The following SYNE2 variants were observed in gnomAD, a reference collection of about 807,000 sequenced individuals.
The protein encoded by SYNE2 is spectrin repeat containing nuclear envelope protein 2, also known as nesprin-2.
Under a neutral mutation model 856.3 loss-of-function variants are expected in SYNE2, and 431 were observed. The observed-to-expected ratio is 0.50, with a 90% CI of 0.47 to 0.55. The LOEUF (loss-of-function observed/expected upper bound fraction) is 0.55. Ranked by LOEUF, SYNE2 falls within the 20% of genes least tolerant of loss-of-function variation. The pLI is 0.00. For missense variants in SYNE2, 8,129 were observed against 8,023.2 expected (o/e 1.01, Z -0.50); for synonymous variants, 2,923 against 2,872.3 (o/e 1.02, Z -0.56).
At position 63,988,221 on chromosome 14, in the gene SYNE2, G is replaced by C. The variant is rs182149218; in HGVS notation, c.2313+1604G>C. Among the ~76,000 whole-genome samples the C allele has an allele frequency of 1.1e-4, 16 of 152,190 alleles. 1 individual carries two copies. Among genetic ancestry groups the C allele is most frequent in the Admixed American group, 9.2e-4 (14 of 15,274 alleles). On this transcript the variant is annotated intron_variant, in intron 19 of 115. Coordinates refer to ENST00000555002, the MANE Select transcript of SYNE2 (RefSeq NM_182914.3). ...GCCTCCCAAGTAGCTGGGATTACAG[G>C]CATGCGCCATCACGCCCAGCTAATT...
rs2096936000 is a variant in SYNE2, at chr14:64,021,549, A to T, written c.5352+34A>T. The T allele has an allele frequency of 5.0e-6, 8 of 1,609,112 alleles. No homozygotes were observed. The East Asian group carries it at 1.8e-4, about 36-fold the overall frequency. ...GAGCTGCTTGTCTTCTGTGGTTCAG[A>T]TTTATTTTCACACTATTTGCAGTTG... On this transcript the variant is annotated intron_variant, in intron 36 of 115. Transcript: ENST00000555002.
At position 64,126,628 on chromosome 14, in the gene SYNE2, T is replaced by A; in HGVS notation, c.13738T>A (p.Leu4580Ile). 3 of 1,614,196 alleles carry A rather than the reference T, an allele frequency of 1.9e-6. No homozygotes were observed. The highest frequency in any genetic ancestry group is 3.3e-4 in the Middle Eastern group (2 of 6,062). The change falls in exon 73 of 116, where the codon TTA becomes ATA. Residue 4580 changes from leucine to isoleucine, a missense_variant. Leu to Ile is a conservative substitution (Grantham distance 5, BLOSUM62 2). This residue lies in a region of SYNE2 where 5,410 missense variants were observed against 5,284.8 expected (regional missense o/e 1.02). Coordinates refer to ENST00000555002, the MANE Select transcript of SYNE2 (RefSeq NM_182914.3). Reference protein sequence around the residue: ...TLALELKKLYLALSDKKGDLL... With the variant: ...TLALELKKLYIALSDKKGDLL... ...GGCTCTTGAGTTGAAGAAACTTTATTTAGCGCTAAGTGACAAGAAGGGTGA... is the reference window on the plus strand; with the variant it reads ...GGCTCTTGAGTTGAAGAAACTTTATATAGCGCTAAGTGACAAGAAGGGTGA...
Position 63,811,243 on chromosome 14 carries a change from A to G in SYNE2, c.-304-41258A>G, listed in dbSNP as rs1888604150. Among the ~76,000 whole-genome samples the G allele has an allele frequency of 2.0e-5, 3 of 151,856 alleles. No individual in the cohort carries two copies. The South Asian group carries it at 6.3e-4, about 32-fold the overall frequency. On this transcript the variant is annotated intron_variant, in intron 1 of 23. Transcript: ENST00000674003. ...ATTGGAAACATTAGTTATCTTACCA[A>G]GGCTTTGACTGTATTATTATTATTT...
chr14:63,969,277 C>G (rs968615836), intron 11 of SYNE2, among the ~76,000 whole-genome samples: 2 of 146,678 alleles, frequency 1.4e-5, no homozygotes, highest in Admixed American at 7.0e-5. Flanking sequence ...TCAAGAGATT[C>G]TTCTGCCTCA....
Position 64,226,160 on chromosome 14 carries a change from ATGAATAATG to A in SYNE2, c.*636_*644del, listed in dbSNP as rs1287302837. 6 of 153,074 alleles carry A rather than the reference ATGAATAATG, an allele frequency of 3.9e-5. No homozygotes were observed. The highest frequency in any genetic ancestry group is 7.2e-5 in the African/African-American group (3 of 41,448). The allele number at this position is 153,074 out of a possible 1,614,324, so 9.5% of individuals were successfully genotyped here. A position where few individuals can be genotyped will look rare whatever the true frequency, so the allele number is the denominator to read the frequency against. ...TATTTTTTAACAATGCCCAATCTGT[ATGAATAATG>A]TAAACTTCGATTTTTTTTTAAAAAA... On this transcript the variant is annotated 3_prime_UTR_variant, in exon 116 of 116. Transcript: ENST00000555002.
Position 64,174,929 on chromosome 14 carries a change from T to C in SYNE2, c.17236-15T>C. 6 of 1,612,374 alleles carry C rather than the reference T, an allele frequency of 3.7e-6. No individual in the cohort carries two copies. The highest frequency in any genetic ancestry group is 4.2e-6 in the Non-Finnish European group (5 of 1,178,506). ...ATCAGAAACCTAAGCAAATTACTTC[T>C]CTTTTTTTTCTTAGAATAAAGAAAT... is the stretch of plus-strand genomic sequence containing the variant. On this transcript the variant is annotated splice_polypyrimidine_tract_variant and intron_variant, in intron 94 of 115. Coordinates refer to ENST00000555002, the MANE Select transcript of SYNE2 (RefSeq NM_182914.3).
chr14:63,995,208 A>G lies in SYNE2; in HGVS notation c.2940+6A>G, dbSNP rs371534076. On this transcript the variant is annotated splice_donor_region_variant and intron_variant, in intron 23 of 115. Coordinates refer to ENST00000555002, the MANE Select transcript of SYNE2 (RefSeq NM_182914.3). ...GTCTCATCAAAGAACATGAGGTACAATAAAGTGTTTCCACTTAAATTTTGT... is the reference window on the plus strand; with the variant it reads ...GTCTCATCAAAGAACATGAGGTACAGTAAAGTGTTTCCACTTAAATTTTGT... The G allele has an allele frequency of 1.1e-5, 18 of 1,603,672 alleles. No homozygotes were observed. In the African/African-American group the frequency reaches 2.0e-4, roughly 18 times the overall value.
intron 49 of SYNE2, among the ~76,000 whole-genome samples, chr14:64,059,957 C>T (rs1306818186): frequency 6.6e-6 from 1 of 152,154 alleles, no homozygotes; most frequent in Non-Finnish European, 1.5e-5. Context: ...ACAGAAAGTA[C>T]TGCCAGGGTA....
intron 1 of SYNE2, among the ~76,000 whole-genome samples, chr14:63,905,236 G>A (rs1020613318): frequency 6.6e-6 from 1 of 152,156 alleles, no homozygotes; most frequent in South Asian, 2.1e-4. Flanking sequence ...TTGAAATTGG[G>A]TAGTGTGATG....
At chr14:64,010,938 C>T (rs1025908493) in intron 32 of SYNE2, among the ~76,000 whole-genome samples, 1 of 152,158 alleles carries the variant, frequency 6.6e-6, no homozygotes, top group Non-Finnish European at 1.5e-5. Context: ...CACGCCTGGC[C>T]TTTTTCTATT....
chr14:63,903,904 A>G (rs750951938), intron 1 of SYNE2, among the ~76,000 whole-genome samples: 2 of 151,746 alleles, frequency 1.3e-5, no homozygotes, highest in Non-Finnish European at 2.9e-5. Flanking sequence ...GGTTTGTAAC[A>G]TGGGTATATT....
At chr14:63,830,322 A>C (rs1889623255) in intron 1 of SYNE2, among the ~76,000 whole-genome samples, 1 of 151,738 alleles carries the variant, frequency 6.6e-6, no homozygotes, top group Non-Finnish European at 1.5e-5. Context: ...TAATGGATAC[A>C]TCATTGTGAA....
chr14:63,874,881 A>T (rs1031848982), intron 1 of SYNE2, among the ~76,000 whole-genome samples: 2 of 152,150 alleles, frequency 1.3e-5, no homozygotes, highest in African/African-American at 2.4e-5. Flanking sequence ...ATGACATAGA[A>T]AATAAAAAAT....
In SYNE2 at chr14:64,170,379, G is replaced by A. The variant is rs747856968; in HGVS notation, c.17152G>A (p.Asp5718Asn). The change falls in exon 94 of 116, where the codon GAC (aspartate) becomes AAC (asparagine). Residue 5718 changes from aspartate (D) to asparagine (N), a missense_variant. Physicochemically the swap from Asp to Asn is conservative, Grantham distance 23. Coordinates refer to ENST00000555002, the MANE Select transcript of SYNE2 (RefSeq NM_182914.3). ...GGAGAACTTGTTTCGCTTCCTCACTGACACCAGCCACCTGCTATCTGCAGT... is the reference window on the plus strand; with the variant it reads ...GGAGAACTTGTTTCGCTTCCTCACTAACACCAGCCACCTGCTATCTGCAGT... ...SVENLFRFLT[D>N]TSHLLSAVKG... 7 of 1,614,194 alleles carry A rather than the reference G, an allele frequency of 4.3e-6. No homozygotes were observed. Among genetic ancestry groups the A allele is most frequent in the South Asian group, 3.3e-5 (3 of 91,078 alleles).
At chr14:64,206,842 AT>A (rs10713745) in intron 100 of SYNE2, among the ~76,000 whole-genome samples, 95,237 of 151,996 alleles carry the variant, frequency 0.63, 31,683 homozygotes, top group African/African-American at 0.87. Context: ...AGTATTATTT[AT>A]TTTAATACCA....
chr14:63,768,395 T>C (rs994366411), intron 1 of SYNE2, among the ~76,000 whole-genome samples: 4 of 152,182 alleles, frequency 2.6e-5, no homozygotes, highest in African/African-American at 9.7e-5. Flanking sequence ...TCATTCCCTT[T>C]TTTAGTACTT....
At chr14:64,085,164 C>G (rs2097551384) in intron 57 of SYNE2, 1 of 574,002 alleles carries the variant, frequency 1.7e-6, no homozygotes, top group Non-Finnish European at 3.1e-6. Flanking sequence ...CCTCCACCTT[C>G]TGAGTTCAAA....
At chr14:64,215,849 G>T in intron 107 of SYNE2, 1 of 858,848 alleles carries the variant, frequency 1.2e-6, no homozygotes, top group South Asian at 1.9e-5. Context: ...ATCTGCCATG[G>T]TGGGTCGGGG....
At chr14:64,120,568 A>G (rs1024072253) in intron 67 of SYNE2, among the ~76,000 whole-genome samples, 1 of 152,038 alleles carries the variant, frequency 6.6e-6, no homozygotes, top group East Asian at 1.9e-4. Flanking sequence ...GTTTGAGACC[A>G]GTCTGGCCAA....
Sources: gnomAD v4.1 joint callset for allele counts (sites outside exome capture counted in the v4.1 genomes callset) on GRCh38, gnomAD v4.1.1 for gene constraint, gnomAD v4.1.1 regional missense constraint, MANE v1.5 for transcripts, NCBI Gene and HGNC (gene_info 2026-07-23, HGNC 2026-07-21) for gene names.